Variants in IGFBP7 observed in about 807,000 individuals in gnomAD.
IGFBP7 encodes insulin like growth factor binding protein 7, also known as insulin-like growth factor-binding protein 7.
IGFBP7 carries 31 observed loss-of-function variants against 29.4 expected under a neutral mutation model. The ratio of observed to expected loss-of-function variants is 1.05; its 90% CI spans 0.79 to 1.42. The LOEUF (loss-of-function observed/expected upper bound fraction) is 1.42. IGFBP7 is among the 40% of genes most tolerant of loss of function. The pLI, the probability that IGFBP7 is intolerant of heterozygous loss-of-function variation, is 0.00. For missense variants in IGFBP7, 393 were observed against 395.5 expected, an observed-to-expected ratio of 0.99 and a Z score of 0.05; for synonymous variants, 172 against 174.9, an observed-to-expected ratio of 0.98 and a Z score of 0.13.
chr4:57,098,927 G>T (rs887087878), intron 1 of IGFBP7, among the ~76,000 whole-genome samples: 53 of 152,166 alleles, frequency 3.5e-4, no homozygotes, highest in African/African-American at 1.3e-3. Context: ...GCAGGCTTGG[G>T]CTACCCTAAA....
intron 2 of IGFBP7, among the ~76,000 whole-genome samples, chr4:57,034,280 T>C (rs1724027664): frequency 6.6e-6 from 1 of 152,078 alleles, no homozygotes; most frequent in Admixed American, 6.6e-5. Flanking sequence ...CACTTGTAGC[T>C]CCTCGATACA....
chr4:57,081,427 C>G (rs1323397659), intron 1 of IGFBP7, among the ~76,000 whole-genome samples: 1 of 152,126 alleles, frequency 6.6e-6, no homozygotes, highest in Non-Finnish European at 1.5e-5. Flanking sequence ...ATTTTCCCCT[C>G]AGAAAGGAAA....
intron 1 of IGFBP7, among the ~76,000 whole-genome samples, chr4:57,075,465 G>T (rs1408798138): frequency 1.3e-5 from 2 of 152,040 alleles, no homozygotes; most frequent in Non-Finnish European, 2.9e-5. Context: ...AGTGATCAAA[G>T]CTCTACCATT....
intron 2 of IGFBP7, among the ~76,000 whole-genome samples, chr4:57,037,136 T>C (rs1724100977): frequency 6.6e-6 from 1 of 152,166 alleles, no homozygotes; most frequent in Admixed American, 6.5e-5. Context: ...TATAAGAACA[T>C]GGTGGTTGTG....
At chr4:57,107,453 G>C (rs1483487871) in intron 1 of IGFBP7, among the ~76,000 whole-genome samples, 3 of 152,212 alleles carry the variant, frequency 2.0e-5, no homozygotes, top group Non-Finnish European at 4.4e-5. Context: ...AAATGGCACA[G>C]AAGTAAATGG....
intron 1 of IGFBP7, among the ~76,000 whole-genome samples, chr4:57,081,663 C>T (rs977256150): frequency 2.0e-5 from 3 of 151,892 alleles, no homozygotes; most frequent in Admixed American, 6.6e-5. Context: ...TGAGCAAGGA[C>T]CTTGAGCTTC....
chr4:57,040,524 C>A (rs1479239166), intron 2 of IGFBP7, among the ~76,000 whole-genome samples: 1 of 152,194 alleles, frequency 6.6e-6, no homozygotes, highest in African/African-American at 2.4e-5. Flanking sequence ...TCACTCGCAC[C>A]CACATATGCA....
intron 1 of IGFBP7, among the ~76,000 whole-genome samples, chr4:57,072,325 A>G (rs1316636717): frequency 1.3e-5 from 2 of 152,118 alleles, no homozygotes; most frequent in African/African-American, 4.8e-5. Flanking sequence ...AAAAGACACG[A>G]TCTCATTCTT....
At chr4:57,068,849 T>G (rs145605701) in intron 1 of IGFBP7, among the ~76,000 whole-genome samples, 1,887 of 152,058 alleles carry the variant, frequency 0.012, 19 homozygotes, top group Middle Eastern at 0.041. Flanking sequence ...AGCTGGAGCA[T>G]GCTTTCTCTT....
rs1288646236 is a variant in IGFBP7, at chr4:57,030,880, A to C, written c.*437T>G. 6.0e-6 allele frequency: 9 copies of C among 1,494,732 alleles called. No homozygotes were observed. The highest frequency in any genetic ancestry group is 1.4e-5 in the African/African-American group (1 of 72,756). 92.6% of individuals were successfully genotyped at this position (1,494,732 alleles called of 1,614,324 possible). A position where few individuals can be genotyped will look rare whatever the true frequency, so the allele number is the denominator to read the frequency against. ...CTTCAATACAATTCTGCTAATTACC[A>C]TTTGTTTTTTCTTTTCAGATTTCTT... On this transcript the variant is annotated 3_prime_UTR_variant, in exon 5 of 5. Coordinates refer to ENST00000295666, the MANE Select transcript of IGFBP7 (RefSeq NM_001553.3).
rs1049406953 is a variant in IGFBP7, at chr4:57,109,849, G to C, written c.475+28C>G. ...CCCTTCGCTGGGCCGAGCGGCGCAG[G>C]GTTGGAGAGGGAAGCGCTCGTGCCC... is the stretch of plus-strand genomic sequence containing the variant. On this transcript the variant is annotated intron_variant, in intron 1 of 4. Coordinates refer to ENST00000295666, the MANE Select transcript of IGFBP7 (RefSeq NM_001553.3). 2.0e-6 allele frequency: 3 copies of C among 1,531,984 alleles called. No homozygotes were observed. In the African/African-American group the frequency reaches 4.1e-5, roughly 21 times the overall value. The allele number at this position is 1,531,984 out of a possible 1,614,324, so 94.9% of individuals were successfully genotyped here. A position where few individuals can be genotyped will look rare whatever the true frequency, so the allele number is the denominator to read the frequency against.
In IGFBP7 at chr4:57,110,308, C is replaced by G; in HGVS notation, c.44G>C (p.Gly15Ala). ...SLRALLLGAA[G>A]LLLLLLPLSS... ...GAGGGGCAGGAGCAGGAGCAGCAGC[C>G]CAGCGGCGCCGAGGAGCAGGGCGCG... The change falls in exon 1 of 5, where the codon GGG becomes GCG. Residue 15 changes from glycine (G) to alanine (A), a missense_variant. By Grantham distance (60) the Gly-to-Ala change is moderately conservative. Transcript: ENST00000295666. The G allele has an allele frequency of 7.1e-7, 1 of 1,416,468 alleles. No homozygotes were observed. Among genetic ancestry groups the G allele is most frequent in the Admixed American group, 2.6e-5 (1 of 38,420 alleles). The allele number at this position is 1,416,468 out of a possible 1,614,324, so 87.7% of individuals were successfully genotyped here.
intron 1 of IGFBP7, among the ~76,000 whole-genome samples, chr4:57,078,026 C>T (rs994415026): frequency 9.2e-5 from 14 of 152,092 alleles, no homozygotes; most frequent in Non-Finnish European, 1.8e-4. Context: ...GGAGCTGGAC[C>T]GGATGACTTT....
At chr4:57,094,209 G>A (rs768820161) in intron 1 of IGFBP7, among the ~76,000 whole-genome samples, 1 of 152,312 alleles carries the variant, frequency 6.6e-6, no homozygotes, top group South Asian at 2.1e-4. Context: ...GGCACTGGAT[G>A]TGAGTGATGG....
At chr4:57,038,041 T>G (rs1037044297) in intron 2 of IGFBP7, among the ~76,000 whole-genome samples, 1 of 152,302 alleles carries the variant, frequency 6.6e-6, no homozygotes, top group African/African-American at 2.4e-5. Context: ...TAAGAGAAGC[T>G]TCACTGTAAA....
intron 1 of IGFBP7, among the ~76,000 whole-genome samples, chr4:57,108,331 A>T (rs1249212619): frequency 6.6e-6 from 1 of 152,196 alleles, no homozygotes; most frequent in Admixed American, 6.5e-5. Context: ...AGAAAGTCTG[A>T]ACTGTGTTAA....
At position 57,032,481 on chromosome 4, in the gene IGFBP7, T is replaced by G. The variant is rs1318740374; in HGVS notation, c.774A>C (p.Ser258=). The G allele has an allele frequency of 6.2e-7, 1 of 1,613,910 alleles. No individual in the cohort carries two copies. The highest frequency in any genetic ancestry group is 1.3e-5 in the African/African-American group (1 of 74,938). ...CAACCACTGTAATTTTTGCTGATGC[T>G]GAAGCCTGTCCTTGGGAATTGGATG... The part of the protein sequence containing the change: ...CHASNSQGQA[S]ASAKITVVDA... Residue 258 remains serine, a synonymous_variant, in exon 4 of 5, where the codon TCA becomes TCC. Transcript: ENST00000295666.
At chr4:57,097,257 T>C (rs2109800711) in intron 1 of IGFBP7, among the ~76,000 whole-genome samples, 1 of 152,316 alleles carries the variant, frequency 6.6e-6, no homozygotes, top group African/African-American at 2.4e-5. Flanking sequence ...GATGGAAATA[T>C]TTTATGCTGC....
Position 57,110,111 on chromosome 4 carries a change from A to C in IGFBP7, c.241T>G (p.Cys81Gly). ...CGGGGAGRGY[C>G]APGMECVKSR... ...TTCACGCACTCCATGCCCGGCGCGC[A>C]GTACCCCCTGCCGGCGCCGCCACCC... Residue 81 changes from cysteine to glycine, a missense_variant, in exon 1 of 5, where the codon TGC (cysteine) becomes GGC (glycine). By Grantham distance (159) the Cys-to-Gly change is radical. Coordinates refer to ENST00000295666, the MANE Select transcript of IGFBP7 (RefSeq NM_001553.3). 2 of 1,520,664 alleles carry C rather than the reference A, an allele frequency of 1.3e-6. No individual in the cohort carries two copies. Among genetic ancestry groups the C allele is most frequent in the Non-Finnish European group, 1.8e-6 (2 of 1,141,274 alleles). 94.2% of individuals were successfully genotyped at this position (1,520,664 alleles called of 1,614,324 possible).
Sources: gnomAD v4.1 joint callset for allele counts (sites outside exome capture counted in the v4.1 genomes callset) on GRCh38, gnomAD v4.1.1 for gene constraint, MANE v1.5 for transcripts, NCBI Gene and HGNC (gene_info 2026-07-23, HGNC 2026-07-21) for gene names.